Variants in RBFOX1 observed in about 807,000 individuals in gnomAD.
RBFOX1 encodes RNA binding protein fox-1 homolog 1.
Under a neutral mutation model 57.7 loss-of-function variants are expected in RBFOX1, and 8 were observed. That is an observed-to-expected ratio of 0.14 (90% CI 0.08 to 0.25). RBFOX1 has a LOEUF of 0.25. RBFOX1 is among the 10% of genes least tolerant of loss of function. The pLI, the probability that RBFOX1 is intolerant of heterozygous loss-of-function variation, is 1.00. For missense variants in RBFOX1, 611 were observed against 548.5 expected (o/e 1.11, Z -1.14); for synonymous variants, 326 against 222.4 (o/e 1.47, Z -4.15).
chr16:6,165,828 A>C (rs1197896334), intron 1 of RBFOX1, among the ~76,000 whole-genome samples: 1 of 152,232 alleles, frequency 6.6e-6, no homozygotes, highest in African/African-American at 2.4e-5. Context: ...CAACTGTGGA[A>C]GGTAAATGAG....
At chr16:5,602,898 C>T (rs990395441), downstream of RBFOX1, among the ~76,000 whole-genome samples, 3 of 152,080 alleles carry the variant, frequency 2.0e-5, no homozygotes, top group Non-Finnish European at 2.9e-5. Flanking sequence ...GAAGGTTTTC[C>T]AGGAGAGCTG....
intron 3 of RBFOX1, among the ~76,000 whole-genome samples, chr16:6,977,338 G>C (rs771643128): frequency 1.1e-4 from 17 of 151,882 alleles, no homozygotes; most frequent in Non-Finnish European, 2.2e-4. Context: ...TATGATCTTT[G>C]AAGCAAAATT....
In RBFOX1 at chr16:5,668,692, C is replaced by G. The variant is rs566799174; in HGVS notation, c.318+69731C>G. 2.6e-5 allele frequency among the ~76,000 whole-genome samples: 4 copies of G among 152,304 alleles called. No individual in the cohort carries two copies. In the South Asian group the frequency reaches 8.3e-4, roughly 32 times the overall value. ...CTCCTTTCCCCTATCATCAAGATGT[C>G]TCTGTATGTGACAAGTCTGTTGACA... is the stretch of plus-strand genomic sequence containing the variant. On this transcript the variant is annotated intron_variant, in intron 3 of 19. Coordinates refer to the RBFOX1 transcript ENST00000641259.
At chr16:5,841,353 T>A (rs2056619898) in intron 3 of RBFOX1, among the ~76,000 whole-genome samples, 3 of 152,116 alleles carry the variant, frequency 2.0e-5, no homozygotes, top group African/African-American at 7.2e-5. Context: ...GCACTGCCAC[T>A]CATGTAACCC....
At chr16:7,256,301 C>T (rs2094680565) in intron 4 of RBFOX1, among the ~76,000 whole-genome samples, 1 of 152,154 alleles carries the variant, frequency 6.6e-6, no homozygotes, top group Non-Finnish European at 1.5e-5. Flanking sequence ...TTAAGCCTCA[C>T]CTCCACAGTC....
intron 4 of RBFOX1, among the ~76,000 whole-genome samples, chr16:7,254,923 T>C (rs185797381): frequency 1.0e-3 from 156 of 152,262 alleles, no homozygotes; most frequent in Non-Finnish European, 2.0e-3. Context: ...CTCTAGACAT[T>C]TCAAATTTCA....
chr16:7,007,538 G>C (rs1294621431), intron 3 of RBFOX1, among the ~76,000 whole-genome samples: 1 of 152,126 alleles, frequency 6.6e-6, no homozygotes, highest in Non-Finnish European at 1.5e-5. Flanking sequence ...GGGTATCTTG[G>C]GGAAGTGGGG....
intron 3 of RBFOX1, among the ~76,000 whole-genome samples, chr16:6,825,474 G>T (rs2092000925): frequency 6.6e-6 from 1 of 152,154 alleles, no homozygotes; most frequent in Non-Finnish European, 1.5e-5. Context: ...AAAGGGAGTT[G>T]TGTGTTTAGA....
chr16:5,347,727 C>T (rs976652298), intron 1 of RBFOX1, among the ~76,000 whole-genome samples: 1 of 149,722 alleles, frequency 6.7e-6, no homozygotes, highest in Non-Finnish European at 1.5e-5. Context: ...CATTCATCCT[C>T]CCATCCACCC....
At chr16:5,671,846 C>T (rs144827940) in intron 3 of RBFOX1, among the ~76,000 whole-genome samples, 1 of 152,298 alleles carries the variant, frequency 6.6e-6, no homozygotes, top group African/African-American at 2.4e-5. Flanking sequence ...ATCCAAGTTG[C>T]AGTGTGAGCT....
chr16:6,766,669 A>G (rs767633910), intron 3 of RBFOX1, among the ~76,000 whole-genome samples: 1 of 152,046 alleles, frequency 6.6e-6, no homozygotes, highest in South Asian at 2.1e-4. Flanking sequence ...AATTAGCCAC[A>G]TGTGGCCAAC....
At chr16:7,615,332 CAAAAT>C (rs138759090) in intron 10 of RBFOX1, among the ~76,000 whole-genome samples, 37,230 of 151,548 alleles carry the variant, frequency 0.25, 5,684 homozygotes, top group African/African-American at 0.44. Flanking sequence ...GACTCCATCT[CAAAAT>C]AATAATAATA....
chr16:6,544,782 A>G (rs975990576), intron 2 of RBFOX1, among the ~76,000 whole-genome samples: 8 of 152,216 alleles, frequency 5.3e-5, no homozygotes, highest in African/African-American at 1.7e-4. Flanking sequence ...TATTGTGAAA[A>G]TTGAATGATG....
chr16:7,527,800 CA>C (rs1201703633), intron 5 of RBFOX1, among the ~76,000 whole-genome samples: 2 of 152,132 alleles, frequency 1.3e-5, no homozygotes, highest in Non-Finnish European at 2.9e-5. Flanking sequence ...GAAATAATTA[CA>C]GTACCCATAA....
chr16:7,372,443 T>G (rs2097584907), intron 4 of RBFOX1, among the ~76,000 whole-genome samples: 1 of 152,200 alleles, frequency 6.6e-6, no homozygotes, highest in East Asian at 1.9e-4. Context: ...CTTTTATTTA[T>G]TTGTGCTGAC....
At chr16:6,245,214 TGG>T (rs774597430) in intron 1 of RBFOX1, among the ~76,000 whole-genome samples, 2 of 152,178 alleles carry the variant, frequency 1.3e-5, no homozygotes, top group Non-Finnish European at 2.9e-5. Flanking sequence ...GCAAGTCATG[TGG>T]GTTCATGAAT....
chr16:5,871,596 A>C (rs1343850311), intron 4 of RBFOX1, among the ~76,000 whole-genome samples: 1 of 152,176 alleles, frequency 6.6e-6, no homozygotes, highest in Non-Finnish European at 1.5e-5. Context: ...GGGCGCAGCC[A>C]TTGGATTGCA....
intron 1 of RBFOX1, among the ~76,000 whole-genome samples, chr16:6,060,851 G>A (rs2152458559): frequency 6.6e-6 from 1 of 152,312 alleles, no homozygotes; most frequent in South Asian, 2.1e-4. Flanking sequence ...TTCCAGGGCT[G>A]CCTGGGGTTG....
chr16:7,531,311 G>C (rs2080013914), intron 5 of RBFOX1, among the ~76,000 whole-genome samples: 1 of 152,148 alleles, frequency 6.6e-6, no homozygotes, highest in African/African-American at 2.4e-5. Context: ...ATCATTTATG[G>C]ATAACGTATG....
Sources: allele counts gnomAD v4.1 joint callset (sites outside exome capture counted in the v4.1 genomes callset), GRCh38; gene constraint gnomAD v4.1.1; transcripts MANE v1.5; gene names NCBI Gene and HGNC (gene_info 2026-07-23, HGNC 2026-07-21).